The following SNX7 variants were observed in gnomAD, a reference collection of about 807,000 sequenced individuals.
SNX7 encodes sorting nexin-7.
A neutral mutation model predicts 48.4 loss-of-function variants in SNX7; 35 were observed. The ratio of observed to expected loss-of-function variants is 0.72; its 90% CI spans 0.55 to 0.96. SNX7 has a LOEUF of 0.96. SNX7 is among the 40% of genes least tolerant of loss of function. The probability of loss-of-function intolerance (pLI) is 0.00; values close to 1 mark genes in which losing one functional copy is unlikely to be tolerated. For missense variants in SNX7, 553 were observed against 548.9 expected (o/e 1.01, Z -0.07); for synonymous variants, 190 against 190.2 (o/e 1.00, Z 0.01).
chr1:98,726,787 A>C (rs1394931303), intron 7 of SNX7, among the ~76,000 whole-genome samples: 1 of 152,228 alleles, frequency 6.6e-6, no homozygotes, highest in East Asian at 1.9e-4. Flanking sequence ...GGGAATGCCC[A>C]GTGCAATGTG....
chr1:98,689,903 C>T (rs1026721000), intron 2 of SNX7, among the ~76,000 whole-genome samples: 1 of 152,062 alleles, frequency 6.6e-6, no homozygotes, highest in Non-Finnish European at 1.5e-5. Flanking sequence ...GTTTTGTGAA[C>T]ATTTAGTTTC....
chr1:98,684,806 C>G (rs1359240668), intron 1 of SNX7, 79 bp from the exon 2 acceptor site: 1 of 1,005,606 alleles, frequency 9.9e-7, no homozygotes, highest in Non-Finnish European at 1.4e-6. Context: ...TGATATATTT[C>G]ATTAATATTG....
At chr1:98,662,915 T>G in intron 1 of SNX7, 1 of 1,092,568 alleles carries the variant, frequency 9.2e-7, no homozygotes, top group Non-Finnish European at 1.2e-6. Flanking sequence ...GAGGAGTATA[T>G]AAAACTTATT....
At chr1:98,713,302 T>C (rs960643438) in intron 7 of SNX7, among the ~76,000 whole-genome samples, 4 of 152,136 alleles carry the variant, frequency 2.6e-5, no homozygotes, top group Non-Finnish European at 4.4e-5. Flanking sequence ...AAACATTTCC[T>C]CTCCAGCTTC....
At chr1:98,701,705 C>A in intron 6 of SNX7, 112 bp from the exon 7 acceptor site, 1 of 609,310 alleles carries the variant, frequency 1.6e-6, no homozygotes, top group Non-Finnish European at 2.7e-6. Flanking sequence ...CCCCAAATGA[C>A]TGATGGCTTG....
At chr1:98,752,078 A>T (rs1437785979) in intron 8 of SNX7, among the ~76,000 whole-genome samples, 1 of 152,106 alleles carries the variant, frequency 6.6e-6, no homozygotes, top group Admixed American at 6.6e-5. Flanking sequence ...AACAAATAGA[A>T]ACATGTTTTA....
intron 7 of SNX7, among the ~76,000 whole-genome samples, chr1:98,718,272 A>G (rs768572098): frequency 1.3e-5 from 2 of 152,254 alleles, no homozygotes; most frequent in East Asian, 3.9e-4. Flanking sequence ...TAAATAATAC[A>G]TTAATATAGA....
At chr1:98,728,266 A>G (rs1653299133) in intron 7 of SNX7, among the ~76,000 whole-genome samples, 1 of 152,168 alleles carries the variant, frequency 6.6e-6, no homozygotes, top group African/African-American at 2.4e-5. Context: ...CCAACCCAGA[A>G]TCTCATATCT....
intron 7 of SNX7, among the ~76,000 whole-genome samples, chr1:98,722,136 C>T (rs1020025373): frequency 6.6e-6 from 1 of 152,028 alleles, no homozygotes; most frequent in East Asian, 1.9e-4. Flanking sequence ...GATGCGTTAA[C>T]TACATTTGTG....
intron 1 of SNX7, among the ~76,000 whole-genome samples, chr1:98,666,168 A>G (rs1649527616): frequency 6.6e-6 from 1 of 152,156 alleles, no homozygotes; most frequent in Non-Finnish European, 1.5e-5. Context: ...AATTCTCTCC[A>G]ATGATTTAAA....
chr1:98,716,265 C>T (rs1449189848), intron 7 of SNX7, among the ~76,000 whole-genome samples: 1 of 152,126 alleles, frequency 6.6e-6, no homozygotes, highest in African/African-American at 2.4e-5. Flanking sequence ...AGGTTTGCCT[C>T]CTATCCCCAT....
At chr1:98,700,052 C>G (rs1651670822) in intron 6 of SNX7, among the ~76,000 whole-genome samples, 1 of 152,004 alleles carries the variant, frequency 6.6e-6, no homozygotes, top group Non-Finnish European at 1.5e-5. Flanking sequence ...GTGTTTTCTC[C>G]TATATTATAT....
intron 7 of SNX7, among the ~76,000 whole-genome samples, chr1:98,710,736 G>T (rs911478219): frequency 1.3e-5 from 2 of 152,128 alleles, no homozygotes; most frequent in Non-Finnish European, 2.9e-5. Context: ...CCCTGCCTGG[G>T]CACTTAATAA....
At chr1:98,725,236 T>G (rs1456090275) in intron 7 of SNX7, among the ~76,000 whole-genome samples, 3 of 152,250 alleles carry the variant, frequency 2.0e-5, no homozygotes, top group East Asian at 1.9e-4. Flanking sequence ...TGAAAATTAT[T>G]CCATGTTTAT....
chr1:98,691,937 A>ACACACTCACTCT (rs376006567), intron 4 of SNX7, among the ~76,000 whole-genome samples: 1 of 131,066 alleles, frequency 7.6e-6, no homozygotes, highest in African/African-American at 2.8e-5. Context: ...ACACACACAC[A>ACACACTCACTCT]CTCTCTCTCT....
chr1:98,704,147 T>A (rs543952290), intron 7 of SNX7, among the ~76,000 whole-genome samples: 1 of 152,116 alleles, frequency 6.6e-6, no homozygotes. Flanking sequence ...ATTTTTTTGA[T>A]ATTTTGTTAT....
chr1:98,672,487 A>T (rs904260958), intron 1 of SNX7, among the ~76,000 whole-genome samples: 2 of 150,404 alleles, frequency 1.3e-5, no homozygotes, highest in Non-Finnish European at 2.9e-5. Context: ...AAGAGGGATC[A>T]TTAGGAACAA....
chr1:98,757,240 C>T (rs1167163475), intron 8 of SNX7, among the ~76,000 whole-genome samples: 1 of 152,034 alleles, frequency 6.6e-6, no homozygotes, highest in African/African-American at 2.4e-5. Context: ...TATAGCAATG[C>T]AAGAACAGCC....
At chr1:98,693,908 T>C (rs969894315) in intron 4 of SNX7, among the ~76,000 whole-genome samples, 2 of 152,238 alleles carry the variant, frequency 1.3e-5, no homozygotes, top group Admixed American at 6.5e-5. Context: ...ACAATGATTA[T>C]TAAAATCCCT....
Sources: gnomAD v4.1 joint callset for allele counts (sites outside exome capture counted in the v4.1 genomes callset) on GRCh38, gnomAD v4.1.1 for gene constraint, MANE v1.5 for transcripts, NCBI Gene and HGNC (gene_info 2026-07-23, HGNC 2026-07-21) for gene names.